The following TDRD3 variants were observed in gnomAD, a reference collection of about 807,000 sequenced individuals.
TDRD3 encodes tudor domain containing 3.
Under a neutral mutation model 86.7 loss-of-function variants are expected in TDRD3, and 45 were observed. The observed-to-expected ratio is 0.52, with a 90% CI of 0.41 to 0.67. The LOEUF (loss-of-function observed/expected upper bound fraction) is 0.67. Among genes scored for constraint, TDRD3 ranks in the 30% least tolerant of loss-of-function variants. The pLI is 0.00. For missense variants in TDRD3, 814 were observed against 889.0 expected (o/e 0.92, Z 1.07); for synonymous variants, 298 against 301.7 (o/e 0.99, Z 0.13).
intron 12 of TDRD3, 117 bp downstream of exon 12, chr13:60,535,350 T>C (rs1015429250): frequency 1.7e-6 from 2 of 1,185,042 alleles, no homozygotes; most frequent in African/African-American, 3.2e-5. Flanking sequence ...AATTTACTTA[T>C]AACTGGCTAC....
At chr13:60,511,568 C>T (rs1482084873) in intron 10 of TDRD3, among the ~76,000 whole-genome samples, 3 of 152,164 alleles carry the variant, frequency 2.0e-5, no homozygotes, top group African/African-American at 7.2e-5. Context: ...TAAAACAATG[C>T]AACTTTATTA....
chr13:60,535,013 A>C, intron 11 of TDRD3, 95 bp from the exon 12 acceptor site: 1 of 1,421,012 alleles, frequency 7.0e-7, no homozygotes. Context: ...AGAATATTAC[A>C]CATTGGAACA....
intron 10 of TDRD3, among the ~76,000 whole-genome samples, chr13:60,524,804 A>G (rs1054178860): frequency 3.9e-5 from 6 of 151,966 alleles, no homozygotes; most frequent in Non-Finnish European, 7.4e-5. Flanking sequence ...CTTCTTTAAA[A>G]AACACAATTT....
intron 4 of TDRD3, 102 bp from the exon 5 acceptor site, chr13:60,467,136 A>C: frequency 7.2e-7 from 1 of 1,381,762 alleles, no homozygotes; most frequent in East Asian, 2.3e-5. Context: ...TCTCCCTCCC[A>C]CTACCCCACT....
intron 8 of TDRD3, among the ~76,000 whole-genome samples, chr13:60,503,222 T>C (rs1353696925): frequency 1.3e-5 from 2 of 152,226 alleles, no homozygotes; most frequent in Admixed American, 6.5e-5. Context: ...TTTTTCTCTA[T>C]TCCAGTGTTA....
At position 60,397,286 on chromosome 13, in the gene TDRD3, A is replaced by C; in HGVS notation, c.-79A>C. The C allele has an allele frequency of 1.5e-5, 9 of 591,702 alleles. No individual in the cohort carries two copies. Among genetic ancestry groups the C allele is most frequent in the East Asian group, 4.1e-5 (1 of 24,652 alleles). The allele number at this position is 591,702 out of a possible 1,614,324, so 36.7% of individuals were successfully genotyped here. On this transcript the variant is annotated 5_prime_UTR_variant, in exon 1 of 14. Transcript: ENST00000377881. ...TCTTTTCTTTTCTTTTTTTTTTTTT[A>C]AGGGGGGGGGTCTCAAGTAGGAGGC...
chr13:60,498,069 AATGCCTGATC>A (rs1956754729), intron 8 of TDRD3, among the ~76,000 whole-genome samples: 1 of 152,152 alleles, frequency 6.6e-6, no homozygotes, highest in Admixed American at 6.5e-5. Flanking sequence ...GCAAGCTGGA[AATGCCTGATC>A]TCCCTTGGCT....
At chr13:60,411,662 T>G (rs1954372734) in intron 1 of TDRD3, among the ~76,000 whole-genome samples, 1 of 152,104 alleles carries the variant, frequency 6.6e-6, no homozygotes, top group African/African-American at 2.4e-5. Flanking sequence ...TGTGCTGTCA[T>G]TTAAGGACCC....
intron 10 of TDRD3, among the ~76,000 whole-genome samples, chr13:60,512,783 G>C (rs1274698729): frequency 6.6e-6 from 1 of 152,202 alleles, no homozygotes; most frequent in Non-Finnish European, 1.5e-5. Flanking sequence ...CTGCCTCTGT[G>C]ACTTTGCAGG....
At chr13:60,499,100 C>G (rs960698336) in intron 8 of TDRD3, among the ~76,000 whole-genome samples, 1 of 152,170 alleles carries the variant, frequency 6.6e-6, no homozygotes, top group African/African-American at 2.4e-5. Flanking sequence ...TTAGAGCTGC[C>G]TCTACCTAGA....
At chr13:60,562,737 GAAAC>G (rs1210131922) in intron 12 of TDRD3, among the ~76,000 whole-genome samples, 1 of 152,096 alleles carries the variant, frequency 6.6e-6, no homozygotes, top group African/African-American at 2.4e-5. Context: ...TCTGTTAAAA[GAAAC>G]AAATGATTCA....
At chr13:60,476,073 G>A (rs1431502528) in intron 5 of TDRD3, among the ~76,000 whole-genome samples, 1 of 151,966 alleles carries the variant, frequency 6.6e-6, no homozygotes, top group Non-Finnish European at 1.5e-5. Context: ...TTTGTTTTTT[G>A]TTACAGTTGC....
At chr13:60,472,824 TAGAG>T (rs368757392) in intron 5 of TDRD3, among the ~76,000 whole-genome samples, 1 of 151,976 alleles carries the variant, frequency 6.6e-6, no homozygotes, top group Non-Finnish European at 1.5e-5. Context: ...GCAAAAATTA[TAGAG>T]AGAGAGTACA....
intron 8 of TDRD3, among the ~76,000 whole-genome samples, chr13:60,504,212 T>G (rs1189102329): frequency 1.3e-5 from 2 of 152,222 alleles, no homozygotes; most frequent in African/African-American, 4.8e-5. Flanking sequence ...CTGATAATCT[T>G]TTACTAAAAA....
At chr13:60,520,702 C>T (rs956786414) in intron 10 of TDRD3, among the ~76,000 whole-genome samples, 1 of 152,178 alleles carries the variant, frequency 6.6e-6, no homozygotes, top group Admixed American at 6.5e-5. Context: ...CTACTGCTTT[C>T]ATATAGAGTG....
At chr13:60,400,617 A>C (rs1008220461) in intron 1 of TDRD3, among the ~76,000 whole-genome samples, 1 of 151,982 alleles carries the variant, frequency 6.6e-6, no homozygotes, top group African/African-American at 2.4e-5. Flanking sequence ...GGCCCCTGTA[A>C]TCCCAGCTAC....
At chr13:60,432,570 G>T (rs998153450) in intron 1 of TDRD3, among the ~76,000 whole-genome samples, 6 of 152,076 alleles carry the variant, frequency 3.9e-5, no homozygotes, top group African/African-American at 1.4e-4. Flanking sequence ...TTTTTGGCAG[G>T]TGTATTACAA....
rs1427916303 is a variant in TDRD3 at position 60,485,841 on chromosome 13, C to G, written c.610C>G (p.Arg204Gly). 6.2e-7 allele frequency: 1 copy of G among 1,606,720 alleles called. No individual in the cohort carries two copies. The highest frequency in any genetic ancestry group is 1.3e-5 in the African/African-American group (1 of 74,446). Residue 204 changes from arginine (R) to glycine (G), a missense_variant, in exon 7 of 14, where the codon CGA (arginine) becomes GGA (glycine). Transcript: ENST00000377881. Reference protein sequence around the residue: ...HVQVDSRELDRRKTLQVTMPV... With the variant: ...HVQVDSRELDGRKTLQVTMPV... ...CCAAGTGGATAGCAGAGAACTTGATCGAAGAAAAACATTGCAAGTTACAAT... is the reference window on the plus strand; with the variant it reads ...CCAAGTGGATAGCAGAGAACTTGATGGAAGAAAAACATTGCAAGTTACAAT...
intron 5 of TDRD3, among the ~76,000 whole-genome samples, chr13:60,476,890 A>G (rs980233024): frequency 2.0e-5 from 3 of 152,072 alleles, no homozygotes; most frequent in Admixed American, 1.3e-4. Context: ...ACTGATTTTT[A>G]TACATTGATT....
Sources: gnomAD v4.1 joint callset for allele counts (sites outside exome capture counted in the v4.1 genomes callset) on GRCh38, gnomAD v4.1.1 for gene constraint, MANE v1.5 for transcripts, NCBI Gene and HGNC (gene_info 2026-07-23, HGNC 2026-07-21) for gene names.